The following THEMIS variants were observed in gnomAD, a reference collection of about 807,000 sequenced individuals.
THEMIS encodes thymocyte selection associated.
Under a neutral mutation model 52.6 loss-of-function variants are expected in THEMIS, and 37 were observed. That is an observed-to-expected ratio of 0.70 (90% CI 0.54 to 0.93). THEMIS has a LOEUF of 0.93. THEMIS is among the 40% of genes least tolerant of loss of function. THEMIS has a pLI of 0.00. For synonymous variants in THEMIS, 292 were observed against 272.7 expected, an observed-to-expected ratio of 1.07 and a Z score of -0.70; for missense variants, 808 against 763.1, an observed-to-expected ratio of 1.06 and a Z score of -0.69.
chr6:127,826,696 A>G (rs896940152), intron 3 of THEMIS, among the ~76,000 whole-genome samples: 6 of 152,170 alleles, frequency 3.9e-5, no homozygotes, highest in Non-Finnish European at 8.8e-5. Context: ...ATTTGCAAAT[A>G]TTATGTATTC....
chr6:127,762,102 G>T (rs892510630), intron 4 of THEMIS, among the ~76,000 whole-genome samples: 53 of 152,230 alleles, frequency 3.5e-4, no homozygotes, highest in African/African-American at 1.2e-3. Flanking sequence ...TCTGCAGTAT[G>T]TGACAACATG....
chr6:127,780,220 C>T (rs1314391754), intron 4 of THEMIS, among the ~76,000 whole-genome samples: 1 of 152,018 alleles, frequency 6.6e-6, no homozygotes. Context: ...TGTTTGCAGG[C>T]CCTGCTTTTT....
At chr6:127,773,868 G>C (rs1465512400) in intron 4 of THEMIS, among the ~76,000 whole-genome samples, 1 of 152,100 alleles carries the variant, frequency 6.6e-6, no homozygotes, top group African/African-American at 2.4e-5. Context: ...ACAGTTAATG[G>C]CTTATATTAG....
At chr6:127,769,972 A>G (rs1776327960) in intron 4 of THEMIS, among the ~76,000 whole-genome samples, 1 of 152,194 alleles carries the variant, frequency 6.6e-6, no homozygotes, top group Admixed American at 6.5e-5. Flanking sequence ...TTATGGATAC[A>G]TAGTATTCCA....
At chr6:127,789,092 C>G (rs1467369773) in intron 4 of THEMIS, among the ~76,000 whole-genome samples, 5 of 151,998 alleles carry the variant, frequency 3.3e-5, no homozygotes, top group African/African-American at 4.8e-5. Flanking sequence ...AATACAGGAG[C>G]TGATTTTTTG....
chr6:127,778,633 C>T (rs1001706721), intron 4 of THEMIS, among the ~76,000 whole-genome samples: 6 of 152,038 alleles, frequency 3.9e-5, no homozygotes, highest in African/African-American at 1.2e-4. Flanking sequence ...AGGTATACCA[C>T]GACAGTGATC....
intron 4 of THEMIS, 56 bp from the exon 5 acceptor site, chr6:127,719,879 G>C: frequency 6.3e-7 from 1 of 1,580,042 alleles, no homozygotes; most frequent in Non-Finnish European, 8.6e-7. Flanking sequence ...GCTTCATAGA[G>C]ATATGAAAGA....
chr6:127,783,317 A>G (rs1489679465), intron 4 of THEMIS, among the ~76,000 whole-genome samples: 1 of 152,246 alleles, frequency 6.6e-6, no homozygotes, highest in African/African-American at 2.4e-5. Flanking sequence ...ACCATTCAGG[A>G]CATAGGCATG....
At chr6:127,738,989 G>C (rs1158656954) in intron 4 of THEMIS, among the ~76,000 whole-genome samples, 1 of 152,072 alleles carries the variant, frequency 6.6e-6, no homozygotes, top group Non-Finnish European at 1.5e-5. Flanking sequence ...AAAAGTTCTG[G>C]AGGTCAGAAG....
At chr6:127,806,828 G>A (rs394708) in intron 4 of THEMIS, among the ~76,000 whole-genome samples, 71,208 of 151,690 alleles carry the variant, frequency 0.47, 17,611 homozygotes, top group Non-Finnish European at 0.53. Flanking sequence ...TATTCCGTAT[G>A]TGCCATTGGG....
intron 4 of THEMIS, among the ~76,000 whole-genome samples, chr6:127,741,697 A>C (rs943229407): frequency 1.3e-5 from 2 of 152,202 alleles, no homozygotes; most frequent in Non-Finnish European, 2.9e-5. Context: ...TTATTCTCAT[A>C]ACAGAGATCA....
downstream of THEMIS, among the ~76,000 whole-genome samples, chr6:127,707,581 T>C (rs1394525522): frequency 6.6e-6 from 1 of 152,106 alleles, no homozygotes; most frequent in African/African-American, 2.4e-5. Context: ...AGAAGTGTTA[T>C]AGTTGTGGAA....
chr6:127,720,612 G>A (rs771679356), intron 4 of THEMIS, among the ~76,000 whole-genome samples: 4 of 151,880 alleles, frequency 2.6e-5, no homozygotes, highest in African/African-American at 4.8e-5. Flanking sequence ...AATCAATTAT[G>A]GCCATTCAGG....
chr6:127,780,402 G>A (rs1050599643), intron 4 of THEMIS, among the ~76,000 whole-genome samples: 1 of 152,148 alleles, frequency 6.6e-6, no homozygotes, highest in Admixed American at 6.5e-5. Context: ...TATATTTAAG[G>A]TTAATATTGT....
intron 1 of THEMIS, among the ~76,000 whole-genome samples, chr6:127,908,415 T>C (rs1195669206): frequency 1.3e-5 from 2 of 152,132 alleles, no homozygotes; most frequent in African/African-American, 2.4e-5. Context: ...AGCAGTCAAG[T>C]AGATGAGCCT....
chr6:127,763,204 C>T (rs991471408), intron 4 of THEMIS, among the ~76,000 whole-genome samples: 1 of 151,896 alleles, frequency 6.6e-6, no homozygotes, highest in Non-Finnish European at 1.5e-5. Flanking sequence ...AAAGGGAAAG[C>T]ATTATATTTT....
At chr6:127,874,843 C>T (rs1780266700) in intron 1 of THEMIS, among the ~76,000 whole-genome samples, 1 of 152,160 alleles carries the variant, frequency 6.6e-6, no homozygotes, top group South Asian at 2.1e-4. Context: ...TTTTGTAAGA[C>T]CTTATCATTG....
chr6:127,772,366 G>C (rs1433249363), intron 4 of THEMIS, among the ~76,000 whole-genome samples: 1 of 151,926 alleles, frequency 6.6e-6, no homozygotes, highest in Non-Finnish European at 1.5e-5. Context: ...TTGAATTTTA[G>C]TGAGATTAGG....
At chr6:127,741,117 TACTA>T (rs1485874908) in intron 4 of THEMIS, among the ~76,000 whole-genome samples, 1 of 152,204 alleles carries the variant, frequency 6.6e-6, no homozygotes, top group Non-Finnish European at 1.5e-5. Flanking sequence ...TATCCAACTT[TACTA>T]TTTCTCAGCA....
Sources: allele counts gnomAD v4.1 joint callset (sites outside exome capture counted in the v4.1 genomes callset), GRCh38; gene constraint gnomAD v4.1.1; transcripts MANE v1.5; gene names NCBI Gene and HGNC (gene_info 2026-07-23, HGNC 2026-07-21).